Variants in ITPKB observed in about 807,000 individuals in gnomAD.
ITPKB encodes the protein inositol-trisphosphate 3-kinase B.
ITPKB carries 13 observed loss-of-function variants against 69.4 expected under a neutral mutation model. The ratio of observed to expected loss-of-function variants is 0.19; its 90% CI spans 0.12 to 0.30. The LOEUF is 0.30. Among genes scored for constraint, ITPKB ranks in the 10% least tolerant of loss-of-function variants. ITPKB has a pLI of 1.00. For missense variants in ITPKB, 1,240 were observed against 1,250.5 expected (o/e 0.99, Z 0.13); for synonymous variants, 584 against 513.7 (o/e 1.14, Z -1.85).
chr1:226,653,575 C>T (rs1669235415), intron 2 of ITPKB, among the ~76,000 whole-genome samples: 1 of 152,198 alleles, frequency 6.6e-6, no homozygotes, highest in Non-Finnish European at 1.5e-5. Flanking sequence ...TTTAAGCTCT[C>T]CCATGTGTCA....
intron 1 of ITPKB, 33 bp downstream of exon 1, chr1:226,739,008 A>C (rs1657910024): frequency 6.6e-6 from 1 of 152,270 alleles, no homozygotes; most frequent in Non-Finnish European, 1.5e-5. Flanking sequence ...GGTTGTTCAG[A>C]GGCGAGAGCC....
chr1:226,648,669 T>C lies in ITPKB; in HGVS notation c.2032+3A>G. 6.3e-7 allele frequency: 1 copy of C among 1,585,218 alleles called. No individual in the cohort carries two copies. Among genetic ancestry groups the C allele is most frequent in the Non-Finnish European group, 8.7e-7 (1 of 1,153,602 alleles). ...TGGGAAAGTCTGGGAGAGCTGTGTC[T>C]ACCTGCGTGTCCTGCCAGCTGGATC... On this transcript the variant is annotated splice_donor_region_variant and intron_variant, in intron 3 of 7. Transcript: ENST00000429204.
At chr1:226,676,180 A>G (rs1669727477) in intron 2 of ITPKB, 1 of 152,186 alleles carries the variant, frequency 6.6e-6, no homozygotes, top group African/African-American at 2.4e-5. Context: ...ACCATCACCT[A>G]AGCCACAATT....
At chr1:226,665,516 G>A (rs898216265) in intron 2 of ITPKB, among the ~76,000 whole-genome samples, 3 of 152,222 alleles carry the variant, frequency 2.0e-5, no homozygotes, top group African/African-American at 7.2e-5. Context: ...GTAAGATGTG[G>A]CCCTTCGGGT....
chr1:226,721,948 G>A (rs1391425621), intron 2 of ITPKB, among the ~76,000 whole-genome samples: 5 of 151,662 alleles, frequency 3.3e-5, no homozygotes, highest in Non-Finnish European at 7.4e-5. Flanking sequence ...GGATTAGCTG[G>A]GATTACAGGC....
At chr1:226,704,217 T>C (rs745896773) in intron 2 of ITPKB, among the ~76,000 whole-genome samples, 45 of 152,206 alleles carry the variant, frequency 3.0e-4, no homozygotes, top group Admixed American at 7.9e-4. Context: ...TAAACATTAA[T>C]AGTACAAGCA....
At chr1:226,646,379 G>A (rs578199233) in intron 4 of ITPKB, among the ~76,000 whole-genome samples, 33 of 152,166 alleles carry the variant, frequency 2.2e-4, no homozygotes, top group Admixed American at 2.6e-4. Context: ...GAGAAAACCC[G>A]GCTGCCTAAA....
intron 2 of ITPKB, among the ~76,000 whole-genome samples, chr1:226,652,538 G>A (rs1393267089): frequency 1.3e-5 from 2 of 152,212 alleles, no homozygotes; most frequent in Non-Finnish European, 2.9e-5. Flanking sequence ...TCAAGAGTGA[G>A]CTCTCCACAG....
At chr1:226,656,186 C>T (rs1375634589) in intron 2 of ITPKB, among the ~76,000 whole-genome samples, 1 of 152,206 alleles carries the variant, frequency 6.6e-6, no homozygotes. Flanking sequence ...GGCACGCTTC[C>T]ATCCCAGTTC....
At chr1:226,647,137 G>C in intron 4 of ITPKB, 30 bp downstream of exon 4, 1 of 1,600,776 alleles carries the variant, frequency 6.2e-7, no homozygotes, top group Non-Finnish European at 8.6e-7. Context: ...CACTGAGGCA[G>C]GCATGTGGGC....
intron 2 of ITPKB, among the ~76,000 whole-genome samples, chr1:226,667,676 G>A (rs1287163732): frequency 1.3e-5 from 2 of 152,210 alleles, no homozygotes; most frequent in African/African-American, 4.8e-5. Context: ...GGGCACAGCT[G>A]TGAGTGCTTT....
At chr1:226,658,910 G>C (rs1669348739) in intron 2 of ITPKB, among the ~76,000 whole-genome samples, 1 of 152,156 alleles carries the variant, frequency 6.6e-6, no homozygotes, top group African/African-American at 2.4e-5. Context: ...AACCAGCTCA[G>C]TGAACTAGCT....
intron 2 of ITPKB, among the ~76,000 whole-genome samples, chr1:226,667,866 G>C (rs1669535821): frequency 6.6e-6 from 1 of 151,764 alleles, no homozygotes; most frequent in East Asian, 1.9e-4. Context: ...GCGCGCGCGT[G>C]CGAAGTGGAG....
chr1:226,636,752 CTGTGTGTGTGTGTGTG>C (rs3831353), intron 7 of ITPKB, among the ~76,000 whole-genome samples: 4 of 139,990 alleles, frequency 2.9e-5, no homozygotes, highest in South Asian at 2.3e-4. Flanking sequence ...GACTGCAGCT[CTGTGTGTGTGTGTGTG>C]TGTGTGTGTG....
chr1:226,647,241 C>T lies in ITPKB; in HGVS notation c.2172G>A (p.Glu724=), dbSNP rs777319747. 6 of 1,614,240 alleles carry T rather than the reference C, an allele frequency of 3.7e-6. No homozygotes were observed. In the South Asian group the frequency reaches 4.4e-5, roughly 12 times the overall value. Residue 724 remains glutamate (E), a synonymous_variant, in exon 4 of 8, where the codon GAG becomes GAA. Transcript: ENST00000429204. The stretch of plus-strand genomic sequence containing the variant: ...GCAGGTCGTCCATCTGGTTGTAGCG[C>T]TCCCCGTCCTTCACCACATCCCCAT... ...AYHGDVVKDG[E]RYNQMDDLLA...
intron 2 of ITPKB, chr1:226,657,390 T>C (rs1470256467): frequency 6.6e-6 from 1 of 152,256 alleles, no homozygotes; most frequent in African/African-American, 2.4e-5. Flanking sequence ...GTTCCCTCAA[T>C]TTGCTACTTT....
At chr1:226,668,619 A>G (rs1463158426) in intron 2 of ITPKB, among the ~76,000 whole-genome samples, 1 of 152,234 alleles carries the variant, frequency 6.6e-6, no homozygotes, top group African/African-American at 2.4e-5. Context: ...AATGTCTGGA[A>G]TTTACTGTGA....
intron 4 of ITPKB, among the ~76,000 whole-genome samples, chr1:226,646,256 G>T (rs375507780): frequency 6.6e-6 from 1 of 152,186 alleles, no homozygotes; most frequent in Non-Finnish European, 1.5e-5. Flanking sequence ...AGCACCGCAC[G>T]CTGGACACCA....
At chr1:226,648,055 T>C (rs1001743945) in intron 3 of ITPKB, among the ~76,000 whole-genome samples, 1 of 152,182 alleles carries the variant, frequency 6.6e-6, no homozygotes, top group African/African-American at 2.4e-5. Context: ...GGGTCCTACA[T>C]GTGGGCTAGA....
Sources: gnomAD v4.1 joint callset for allele counts (sites outside exome capture counted in the v4.1 genomes callset) on GRCh38, gnomAD v4.1.1 for gene constraint, MANE v1.5 for transcripts, NCBI Gene and HGNC (gene_info 2026-07-23, HGNC 2026-07-21) for gene names.